Variants in KAZN observed in about 807,000 individuals in gnomAD.
KAZN encodes kazrin.
KAZN carries 40 observed loss-of-function variants against 87.4 expected under a neutral mutation model. That is an observed-to-expected ratio of 0.46 (90% CI 0.36 to 0.60). The LOEUF is 0.60. KAZN is among the 20% of genes least tolerant of loss of function. KAZN has a pLI of 0.00. For synonymous variants in KAZN, 466 were observed against 458.3 expected (o/e 1.02, Z -0.22); for missense variants, 898 against 1,073.9 (o/e 0.84, Z 2.29).
At chr1:14,183,306 A>G (rs553076896) in intron 2 of KAZN, among the ~76,000 whole-genome samples, 2 of 152,266 alleles carry the variant, frequency 1.3e-5, no homozygotes, top group Admixed American at 6.5e-5. Flanking sequence ...AGGCCTGACA[A>G]TCCATCCTGG....
chr1:14,946,551 A>G (rs1661821664), intron 1 of KAZN, among the ~76,000 whole-genome samples: 1 of 151,960 alleles, frequency 6.6e-6, no homozygotes, highest in Admixed American at 6.6e-5. Flanking sequence ...GTTAGCCAGG[A>G]TGGTCTCAAT....
chr1:14,093,941 GGTA>G (rs930716225), intron 1 of KAZN, among the ~76,000 whole-genome samples: 2 of 152,134 alleles, frequency 1.3e-5, no homozygotes, highest in Non-Finnish European at 2.9e-5. Flanking sequence ...GCCTCTCTGT[GGTA>G]GCATTTCTTC....
chr1:14,010,276 G>A (rs1640232557), intron 1 of KAZN, among the ~76,000 whole-genome samples: 1 of 152,168 alleles, frequency 6.6e-6, no homozygotes, highest in Non-Finnish European at 1.5e-5. Context: ...GCTGCCTGCT[G>A]TACTTTGGTC....
Position 14,051,615 on chromosome 1 carries a change from G to A in KAZN, c.92-128820G>A, listed in dbSNP as rs113686557. Among the ~76,000 whole-genome samples the A allele has an allele frequency of 6.3e-3, 963 of 152,270 alleles. 12 individuals are homozygous for A. The highest frequency in any genetic ancestry group is 0.022 in the African/African-American group (925 of 41,566). ...CGCCTATAATCCCAGCACTTTGGGA[G>A]GATCGCTTCAGTCCAGGAGTTTGAG... is the stretch of plus-strand genomic sequence containing the variant. On this transcript the variant is annotated intron_variant, in intron 1 of 16. Coordinates refer to the KAZN transcript ENST00000636203.
chr1:14,332,996 C>G (rs1571323101), intron 2 of KAZN, among the ~76,000 whole-genome samples: 1 of 152,064 alleles, frequency 6.6e-6, no homozygotes, highest in East Asian at 1.9e-4. Flanking sequence ...AGTATTAAGC[C>G]CAGCATGCAT....
At chr1:15,092,771 G>T (rs971089163) in intron 8 of KAZN, among the ~76,000 whole-genome samples, 2 of 152,030 alleles carry the variant, frequency 1.3e-5, no homozygotes, top group African/African-American at 4.8e-5. Flanking sequence ...TACCACGCCC[G>T]GCCTGTTTAG....
chr1:14,739,589 G>A lies in KAZN; in HGVS notation c.226+140366G>A, dbSNP rs34099457. 7.2e-5 allele frequency among the ~76,000 whole-genome samples: 11 copies of A among 152,202 alleles called. 1 individual carries two copies. The highest frequency in any genetic ancestry group is 7.2e-4 in the Admixed American group (11 of 15,294). On this transcript the variant is annotated intron_variant, in intron 1 of 14. Transcript: ENST00000376030. ...TTCTCAGGCTAGGCTGATGAAGGGA[G>A]GGATGTCATTTTCTCACTTGAGGAC...
chr1:13,920,447 G>T (rs1393768544), intron 1 of KAZN, among the ~76,000 whole-genome samples: 1 of 152,110 alleles, frequency 6.6e-6, no homozygotes, highest in Non-Finnish European at 1.5e-5. Context: ...AAGTCCTCCA[G>T]CTTTGCTTCG....
chr1:13,994,173 G>T (rs963009644), intron 1 of KAZN, among the ~76,000 whole-genome samples: 29 of 152,278 alleles, frequency 1.9e-4, no homozygotes, highest in Non-Finnish European at 3.8e-4. Flanking sequence ...GTGCTGTGAA[G>T]CTCTGACCCA....
At chr1:14,366,981 C>T (rs1164836007) in intron 2 of KAZN, among the ~76,000 whole-genome samples, 2 of 152,236 alleles carry the variant, frequency 1.3e-5, no homozygotes, top group African/African-American at 2.4e-5. Flanking sequence ...CCTGTAATCC[C>T]AGCACTCTGG....
chr1:15,043,607 C>T (rs915952039), intron 3 of KAZN, among the ~76,000 whole-genome samples: 1 of 150,348 alleles, frequency 6.7e-6, no homozygotes, highest in Middle Eastern at 3.2e-3. Flanking sequence ...GAGCTCCTGG[C>T]CACATGTCAT....
chr1:14,146,468 G>A (rs1291807545), intron 1 of KAZN, among the ~76,000 whole-genome samples: 10 of 148,574 alleles, frequency 6.7e-5, no homozygotes, highest in South Asian at 4.2e-4. Context: ...CCTGGGAGAC[G>A]GAAGTTGCAG....
At chr1:14,893,578 C>T (rs1654953296) in intron 1 of KAZN, among the ~76,000 whole-genome samples, 1 of 151,438 alleles carries the variant, frequency 6.6e-6, no homozygotes, top group Admixed American at 6.6e-5. Context: ...TGATGGCCCC[C>T]TCGCCTTTAC....
At chr1:14,156,919 T>C (rs1485715224) in intron 1 of KAZN, among the ~76,000 whole-genome samples, 1 of 151,824 alleles carries the variant, frequency 6.6e-6, no homozygotes, top group Non-Finnish European at 1.5e-5. Context: ...TGTTTTTTTT[T>C]TTTTTTTCCT....
At chr1:14,927,875 G>A (rs1245805046) in intron 1 of KAZN, among the ~76,000 whole-genome samples, 2 of 152,148 alleles carry the variant, frequency 1.3e-5, no homozygotes, top group African/African-American at 2.4e-5. Context: ...GGACTGGGGC[G>A]CTTGTGTGTC....
intron 2 of KAZN, among the ~76,000 whole-genome samples, chr1:14,347,982 C>A (rs1442368708): frequency 1.3e-5 from 2 of 150,472 alleles, no homozygotes; most frequent in Non-Finnish European, 2.9e-5. Flanking sequence ...GCCTCCCAGG[C>A]TCGAGTGATC....
At chr1:14,262,779 C>T (rs1029111629) in intron 2 of KAZN, among the ~76,000 whole-genome samples, 7 of 152,148 alleles carry the variant, frequency 4.6e-5, no homozygotes, top group African/African-American at 1.4e-4. Context: ...TTGTACAAGT[C>T]GTAAATCATT....
chr1:14,246,767 T>G (rs954337372), intron 2 of KAZN, among the ~76,000 whole-genome samples: 2 of 152,198 alleles, frequency 1.3e-5, no homozygotes, highest in South Asian at 2.1e-4. Flanking sequence ...TTTATGAAAA[T>G]AAAATCGCAC....
intron 1 of KAZN, among the ~76,000 whole-genome samples, chr1:14,788,678 T>A (rs935178968): frequency 6.6e-6 from 1 of 152,128 alleles, no homozygotes; most frequent in Non-Finnish European, 1.5e-5. Context: ...GGCCTGACCG[T>A]GGTGACTCTG....
Sources: gnomAD v4.1 joint callset for allele counts (sites outside exome capture counted in the v4.1 genomes callset) on GRCh38, gnomAD v4.1.1 for gene constraint, MANE v1.5 for transcripts, NCBI Gene and HGNC (gene_info 2026-07-23, HGNC 2026-07-21) for gene names.